Variants in CACNA1C observed in about 807,000 individuals in gnomAD.
CACNA1C encodes voltage-dependent L-type calcium channel subunit alpha-1C.
CACNA1C carries 30 observed loss-of-function variants against 229.0 expected under a neutral mutation model. The observed-to-expected ratio is 0.13, with a 90% CI of 0.10 to 0.18. CACNA1C has a LOEUF of 0.18. Among genes scored for constraint, CACNA1C ranks in the 10% least tolerant of loss-of-function variants. CACNA1C has a pLI of 1.00. For synonymous variants in CACNA1C, 1,114 were observed against 1,132.5 expected, an observed-to-expected ratio of 0.98 and a Z score of 0.33; for missense variants, 1,658 against 2,845.0, an observed-to-expected ratio of 0.58 and a Z score of 9.49.
intron 3 of CACNA1C, among the ~76,000 whole-genome samples, chr12:2,406,906 G>C (rs188840204): frequency 1.6e-4 from 24 of 152,320 alleles, no homozygotes; most frequent in African/African-American, 5.8e-4. Flanking sequence ...CCTTACAGCT[G>C]CTTTCCTTTG....
At chr12:2,040,558 C>T (rs1329084134) in intron 1 of CACNA1C, among the ~76,000 whole-genome samples, 1 of 152,210 alleles carries the variant, frequency 6.6e-6, no homozygotes, top group African/African-American at 2.4e-5. Context: ...ACTTTCACTT[C>T]TGAAGAACTG....
At chr12:2,091,935 C>CT (rs1205946645) in intron 1 of CACNA1C, among the ~76,000 whole-genome samples, 20 of 152,200 alleles carry the variant, frequency 1.3e-4, no homozygotes, top group Admixed American at 1.3e-3. Context: ...CTTGCTTTCT[C>CT]TGAGCTCCTG....
At chr12:2,355,456 C>T (rs973726101) in intron 3 of CACNA1C, among the ~76,000 whole-genome samples, 3 of 152,126 alleles carry the variant, frequency 2.0e-5, no homozygotes, top group African/African-American at 7.2e-5. Context: ...TTCACTGTAG[C>T]CTGCAGGTTA....
intron 10 of CACNA1C, among the ~76,000 whole-genome samples, chr12:2,552,587 G>A (rs1390019880): frequency 3.3e-5 from 5 of 152,186 alleles, no homozygotes; most frequent in Admixed American, 1.3e-4. Context: ...AGCTCCTGAA[G>A]GATCACTGCG....
chr12:2,574,063 A>G (rs1359508318), intron 13 of CACNA1C, among the ~76,000 whole-genome samples: 1 of 152,180 alleles, frequency 6.6e-6, no homozygotes, highest in East Asian at 1.9e-4. Context: ...TATGAATATC[A>G]TTCATCCTAT....
chr12:2,136,161 T>C lies in CACNA1C; in HGVS notation c.477+15731T>C, dbSNP rs560002214. Among the ~76,000 whole-genome samples the C allele has an allele frequency of 4.2e-4, 64 of 151,514 alleles. 2 individuals are homozygous for C. The highest frequency in any genetic ancestry group is 3.4e-3 in the Middle Eastern group (1 of 294). On this transcript the variant is annotated intron_variant, in intron 3 of 46. Coordinates refer to ENST00000399655, the MANE Select transcript of CACNA1C (RefSeq NM_000719.7). ...GGTGAGGCAATGCCTCGCCCTGCTT[T>C]GGCTCGCGCACCCACTGGCCTGCGC...
intron 3 of CACNA1C, among the ~76,000 whole-genome samples, chr12:2,173,684 A>G (rs1001633514): frequency 2.0e-5 from 3 of 152,084 alleles, no homozygotes; most frequent in Non-Finnish European, 4.4e-5. Flanking sequence ...GATCCAGCTC[A>G]AGCCCTACCC....
intron 5 of CACNA1C, among the ~76,000 whole-genome samples, chr12:2,462,202 GGCTCA>G (rs1567827593): frequency 1.3e-5 from 2 of 151,776 alleles, no homozygotes; most frequent in Non-Finnish European, 2.9e-5. Context: ...GAACGCCCTC[GGCTCA>G]GCTCTCTGCA....
intron 34 of CACNA1C, among the ~76,000 whole-genome samples, chr12:2,664,443 G>A (rs1487705315): frequency 1.3e-5 from 2 of 152,118 alleles, no homozygotes; most frequent in Non-Finnish European, 2.9e-5. Context: ...AAGAAAAAAT[G>A]AAAAACCTAA....
intron 3 of CACNA1C, among the ~76,000 whole-genome samples, chr12:2,360,941 G>A (rs1003666250): frequency 6.6e-6 from 1 of 152,052 alleles, no homozygotes; most frequent in Non-Finnish European, 1.5e-5. Context: ...TAGGCCTGCC[G>A]TTCACCACAC....
intron 1 of CACNA1C, among the ~76,000 whole-genome samples, chr12:2,076,911 A>G (rs1289450767): frequency 6.6e-6 from 1 of 152,226 alleles, no homozygotes; most frequent in Non-Finnish European, 1.5e-5. Context: ...AAATTGAGAC[A>G]TGGAACATGA....
At chr12:2,592,177 T>C (rs1007702697) in intron 18 of CACNA1C, among the ~76,000 whole-genome samples, 14 of 152,202 alleles carry the variant, frequency 9.2e-5, no homozygotes, top group Non-Finnish European at 1.3e-4. Flanking sequence ...TAGGGAATAA[T>C]AGGTGGTAAG....
At position 2,410,092 on chromosome 12, in the gene CACNA1C, G is replaced by A. The variant is rs1372459219; in HGVS notation, c.478-38884G>A. Among the ~76,000 whole-genome samples, 1 of 152,182 alleles carries A rather than the reference G, an allele frequency of 6.6e-6. No individual in the cohort carries two copies. The highest frequency in any genetic ancestry group is 1.9e-4 in the East Asian group (1 of 5,200). On this transcript the variant is annotated intron_variant, in intron 3 of 46. Transcript: ENST00000399655. This position sits in a 1 kb window ranked among gnomAD's most constrained non-coding sequence, Gnocchi z 5.3. Reference sequence around the variant, plus strand: ...CGGGCCTCAGCAAGCTGGCAGCTTCGTCCTCTCAGACTGTGGGTTGCTTTT... The same window carrying A: ...CGGGCCTCAGCAAGCTGGCAGCTTCATCCTCTCAGACTGTGGGTTGCTTTT...
intron 3 of CACNA1C, among the ~76,000 whole-genome samples, chr12:2,405,813 G>A (rs893276639): frequency 6.6e-6 from 1 of 152,178 alleles, no homozygotes; most frequent in Non-Finnish European, 1.5e-5. Flanking sequence ...AGAGGAGACA[G>A]AAAGTGTATT....
intron 1 of CACNA1C, among the ~76,000 whole-genome samples, chr12:1,978,874 T>G (rs1474543929): frequency 1.3e-5 from 2 of 152,262 alleles, no homozygotes; most frequent in Non-Finnish European, 2.9e-5. Flanking sequence ...GTAGTTCATT[T>G]CTTCTTATCG....
rs999328523 is a variant in CACNA1C, at chr12:2,697,280, G to A, written c.*6081G>A. On this transcript the variant is annotated 3_prime_UTR_variant, in exon 47 of 47. Transcript: ENST00000399655. ...GTTCCCCCAAGCCTCGTGGGAGTGAGGCCATGGGAAACAGAGATGAGCATG... is the reference window on the plus strand; with the variant it reads ...GTTCCCCCAAGCCTCGTGGGAGTGAAGCCATGGGAAACAGAGATGAGCATG... The A allele has an allele frequency of 6.6e-6, 1 of 152,122 alleles. No individual in the cohort carries two copies. The highest frequency in any genetic ancestry group is 6.5e-5 in the Admixed American group (1 of 15,268). The allele number at this position is 152,122 out of a possible 1,614,324, so 9.4% of individuals were successfully genotyped here. A position where few individuals can be genotyped will look rare whatever the true frequency, so the allele number is the denominator to read the frequency against.
chr12:1,978,302 C>T (rs968884204), intron 1 of CACNA1C, among the ~76,000 whole-genome samples: 1 of 152,122 alleles, frequency 6.6e-6, no homozygotes, highest in Non-Finnish European at 1.5e-5. Flanking sequence ...GTTTAAAGTA[C>T]TGAAGATGTG....
intron 1 of CACNA1C, among the ~76,000 whole-genome samples, chr12:1,994,665 G>A (rs1373827596): frequency 1.3e-5 from 2 of 152,164 alleles, no homozygotes; most frequent in Non-Finnish European, 2.9e-5. Flanking sequence ...AGAAAGGAAG[G>A]CATGGGAGGA....
intron 22 of CACNA1C, chr12:2,603,249 T>A (rs192092781): frequency 2.6e-5 from 4 of 152,180 alleles, no homozygotes; most frequent in Non-Finnish European, 5.9e-5. Context: ...ATCCCTTCCA[T>A]TGTGATTCGG....
Sources: allele counts gnomAD v4.1 joint callset (sites outside exome capture counted in the v4.1 genomes callset), GRCh38; gene constraint gnomAD v4.1.1; non-coding constraint Gnocchi (gnomAD v3.1); transcripts MANE v1.5; gene names NCBI Gene and HGNC (gene_info 2026-07-23, HGNC 2026-07-21).